FAM210A: variants seen among roughly 807,000 people sequenced by gnomAD.
The protein encoded by FAM210A is mitochondrial inner membrane scaffold 1, also known as family with sequence similarity 210 member A.
Under a neutral mutation model 25.3 loss-of-function variants are expected in FAM210A, and 13 were observed. That is an observed-to-expected ratio of 0.51 (90% confidence interval 0.33 to 0.82). FAM210A has a LOEUF of 0.82. FAM210A is among the 40% of genes least tolerant of loss of function. The pLI is 0.02. For synonymous variants in FAM210A, 125 were observed against 118.7 expected (o/e 1.05, Z -0.35); for missense variants, 319 against 323.2 (o/e 0.99, Z 0.10).
chr18:13,678,751 T>C (rs1601945437), intron 2 of FAM210A, among the ~76,000 whole-genome samples: 1 of 152,352 alleles, frequency 6.6e-6, no homozygotes, highest in South Asian at 2.1e-4. Context: ...GAATCTGTGC[T>C]TCTCAAACTG....
chr18:13,696,294 A>G (rs1168642473), intron 1 of FAM210A, among the ~76,000 whole-genome samples: 3 of 152,244 alleles, frequency 2.0e-5, no homozygotes, highest in South Asian at 4.1e-4. Context: ...AAGAACAAGG[A>G]TTGACATTCA....
chr18:13,692,670 G>A (rs1029223812), intron 1 of FAM210A, among the ~76,000 whole-genome samples: 1 of 152,162 alleles, frequency 6.6e-6, no homozygotes, highest in African/African-American at 2.4e-5. Flanking sequence ...CCAAATGAAG[G>A]CAGAAATAAA....
chr18:13,696,389 A>C (rs1366461263), intron 1 of FAM210A, among the ~76,000 whole-genome samples: 1 of 152,238 alleles, frequency 6.6e-6, no homozygotes, highest in Non-Finnish European at 1.5e-5. Context: ...CTAAAAAAAC[A>C]TCTACAACTC....
At chr18:13,719,445 T>C (rs2043883360) in intron 1 of FAM210A, among the ~76,000 whole-genome samples, 1 of 152,196 alleles carries the variant, frequency 6.6e-6, no homozygotes, top group South Asian at 2.1e-4. Context: ...TCAATGAGAC[T>C]TTCTAATAGG....
rs532945592 is a variant in FAM210A, at chr18:13,663,820, A to AATAAATATAAAT, written c.*2648_*2659dup. 1.4e-4 allele frequency: 21 copies of AATAAATATAAAT among 152,160 alleles called. No homozygotes were observed. In the South Asian group the frequency reaches 2.5e-3, roughly 18 times the overall value. 9.4% of individuals were successfully genotyped at this position (152,160 alleles called of 1,614,324 possible). A position where few individuals can be genotyped will look rare whatever the true frequency, so the allele number is the denominator to read the frequency against. ...ACAGAGTGAGACTCTGTCTCAAAAA[A>AATAAATATAAAT]ATAAATATAAATATAAATATAAATG... On this transcript the variant is annotated 3_prime_UTR_variant, in exon 4 of 4. Coordinates refer to ENST00000651643, the MANE Select transcript of FAM210A (RefSeq NM_152352.4).
intron 1 of FAM210A, among the ~76,000 whole-genome samples, chr18:13,711,175 C>A (rs1288798376): frequency 6.6e-6 from 1 of 152,088 alleles, no homozygotes; most frequent in African/African-American, 2.4e-5. Flanking sequence ...AGTTCGAGAC[C>A]AGTCTACCAA....
At chr18:13,671,681 C>T (rs1392154551) in intron 3 of FAM210A, among the ~76,000 whole-genome samples, 181 bp downstream of exon 3, 1 of 147,674 alleles carries the variant, frequency 6.8e-6, no homozygotes, top group East Asian at 2.0e-4. Context: ...AAGAGCGAAA[C>T]TCCATCTCCA....
chr18:13,701,338 A>G (rs1045202655), intron 1 of FAM210A, among the ~76,000 whole-genome samples: 4 of 152,222 alleles, frequency 2.6e-5, no homozygotes, highest in African/African-American at 9.6e-5. Flanking sequence ...TGGGTTCAGG[A>G]TCAGATTAGA....
In FAM210A at chr18:13,666,448, C is replaced by A. The variant is rs748991444; in HGVS notation, c.*32G>T. On this transcript the variant is annotated 3_prime_UTR_variant, in exon 4 of 4. Coordinates refer to ENST00000651643, the MANE Select transcript of FAM210A (RefSeq NM_152352.4). ...CCATAGTTTCCAAAGGGTTAAAGTG[C>A]AGGAATTTTCTATACTGCTATATAA... is the stretch of plus-strand genomic sequence containing the variant. 3.2e-6 allele frequency: 5 copies of A among 1,564,036 alleles called. No individual in the cohort carries two copies. Among genetic ancestry groups the A allele is most frequent in the Non-Finnish European group, 4.4e-6 (5 of 1,141,104 alleles).
chr18:13,698,376 GAATT>G (rs1167204760), intron 1 of FAM210A, among the ~76,000 whole-genome samples: 8 of 123,166 alleles, frequency 6.5e-5, no homozygotes, highest in Non-Finnish European at 1.2e-4. Context: ...AAAAAAATAA[GAATT>G]AATTCAGATT....
At chr18:13,712,746 C>T (rs1787888) in intron 1 of FAM210A, among the ~76,000 whole-genome samples, 135,346 of 152,008 alleles carry the variant, frequency 0.89, 60,360 homozygotes, top group East Asian at 0.95. Context: ...TAAATTTCCA[C>T]TGTTTATGAG....
intron 1 of FAM210A, among the ~76,000 whole-genome samples, chr18:13,725,714 G>A (rs2043937228): frequency 1.3e-5 from 2 of 152,142 alleles, no homozygotes; most frequent in Non-Finnish European, 2.9e-5. Context: ...TGGAGCTTTC[G>A]AGTTTCAGTA....
chr18:13,712,493 C>G (rs1021768341), intron 1 of FAM210A, among the ~76,000 whole-genome samples: 43 of 152,120 alleles, frequency 2.8e-4, no homozygotes, highest in African/African-American at 9.9e-4. Context: ...AAGTCCTAAC[C>G]TCCAAATTAT....
chr18:13,675,438 T>C (rs62084821), intron 2 of FAM210A, among the ~76,000 whole-genome samples: 959 of 25,050 alleles, frequency 0.038, 10 homozygotes, highest in East Asian at 0.071. Context: ...GAGCCCTGGC[T>C]TCTTTATTTC....
intron 1 of FAM210A, among the ~76,000 whole-genome samples, chr18:13,716,956 A>G (rs1031094466): frequency 6.6e-6 from 1 of 152,230 alleles, no homozygotes; most frequent in African/African-American, 2.4e-5. Context: ...GCTGACATGG[A>G]CAAGGCAGAG....
intron 2 of FAM210A, among the ~76,000 whole-genome samples, chr18:13,678,730 C>A (rs1419721452): frequency 6.6e-6 from 1 of 152,256 alleles, no homozygotes; most frequent in African/African-American, 2.4e-5. Context: ...GAAGTGCCCA[C>A]AGCCAGCCAG....
At chr18:13,684,298 C>CTGAGGCAGGAGAATCATT (rs942703252) in intron 1 of FAM210A, among the ~76,000 whole-genome samples, 2 of 151,986 alleles carry the variant, frequency 1.3e-5, no homozygotes, top group Admixed American at 6.6e-5. Context: ...ATTTGGGAGG[C>CTGAGGCAGGAGAATCATT]TGAGGCAGGA....
chr18:13,667,968 C>T (rs949403355), intron 3 of FAM210A, among the ~76,000 whole-genome samples: 1 of 152,166 alleles, frequency 6.6e-6, no homozygotes, highest in African/African-American at 2.4e-5. Context: ...GAGGCTGATG[C>T]AGGAGGACTG....
chr18:13,688,315 T>C (rs186058365), intron 1 of FAM210A, among the ~76,000 whole-genome samples: 7 of 152,236 alleles, frequency 4.6e-5, no homozygotes, highest in African/African-American at 1.7e-4. Flanking sequence ...TTTCCAAAAC[T>C]ACCTACAGCT....
Sources: allele counts gnomAD v4.1 joint callset (sites outside exome capture counted in the v4.1 genomes callset), GRCh38; gene constraint gnomAD v4.1.1; transcripts MANE v1.5; gene names NCBI Gene and HGNC (gene_info 2026-07-23, HGNC 2026-07-21).